Variants in IQCK observed in about 807,000 individuals in gnomAD.
IQCK encodes IQ domain-containing protein K.
A neutral mutation model predicts 28.1 loss-of-function variants in IQCK; 29 were observed. The ratio of observed to expected loss-of-function variants is 1.03; its 90% CI spans 0.77 to 1.41. The LOEUF (loss-of-function observed/expected upper bound fraction) is 1.41. Ranked by LOEUF, IQCK falls within the 40% of genes most tolerant of loss-of-function variation. The pLI is 0.00. For synonymous variants in IQCK, 113 were observed against 115.1 expected (o/e 0.98, Z 0.12); for missense variants, 359 against 314.7 (o/e 1.14, Z -1.07).
intron 9 of IQCK, among the ~76,000 whole-genome samples, chr16:19,832,691 G>T (rs2056247359): frequency 6.6e-6 from 1 of 152,248 alleles, no homozygotes; most frequent in South Asian, 2.1e-4. Flanking sequence ...CTGCTATAAA[G>T]AATACCTGAG....
chr16:19,747,938 C>T (rs964624587), intron 4 of IQCK, among the ~76,000 whole-genome samples: 7 of 152,024 alleles, frequency 4.6e-5, no homozygotes, highest in East Asian at 3.9e-4. Context: ...GTATACACTG[C>T]GTTAGAAATA....
In IQCK at chr16:19,734,786, A is replaced by AG. The variant is rs1372426053; in HGVS notation, c.377-567_377-566insG. 8.7e-3 allele frequency among the ~76,000 whole-genome samples: 1,321 copies of AG among 151,776 alleles called. 21 individuals are homozygous for AG. The highest frequency in any genetic ancestry group is 0.03 in the African/African-American group (1,257 of 41,352). On this transcript the variant is annotated intron_variant, in intron 3 of 7. Coordinates refer to ENST00000564186, the Ensembl canonical transcript of IQCK. ...ACAGAGTGAGACTCTGTCTCAAAAA[A>AG]AAAAAAAAAAAGTAAAAAGTAGAAG...
At chr16:19,818,494 G>A (rs2056020045) in intron 7 of IQCK, among the ~76,000 whole-genome samples, 1 of 152,170 alleles carries the variant, frequency 6.6e-6, no homozygotes, top group African/African-American at 2.4e-5. Context: ...CCAGGTTCAA[G>A]TGATCCTCCT....
intron 6 of IQCK, among the ~76,000 whole-genome samples, chr16:19,764,740 G>C (rs1184759158): frequency 1.3e-5 from 2 of 148,328 alleles, no homozygotes; most frequent in Non-Finnish European, 3.0e-5. Flanking sequence ...ACCCAGGCTG[G>C]AGTGCAGTGA....
intron 6 of IQCK, among the ~76,000 whole-genome samples, chr16:19,785,020 C>T (rs550922219): frequency 9.2e-5 from 14 of 152,292 alleles, no homozygotes; most frequent in African/African-American, 2.2e-4. Flanking sequence ...CCACCCGCCC[C>T]GGCCTTCCAA....
intron 4 of IQCK, among the ~76,000 whole-genome samples, chr16:19,752,297 T>C (rs934855502): frequency 6.6e-6 from 1 of 152,228 alleles, no homozygotes; most frequent in Admixed American, 6.5e-5. Context: ...TGGAAATTCT[T>C]TCTGATGCAT....
intron 4 of IQCK, among the ~76,000 whole-genome samples, chr16:19,740,636 A>G (rs948265616): frequency 4.6e-5 from 7 of 152,192 alleles, no homozygotes; most frequent in Non-Finnish European, 1.0e-4. Context: ...TGATCAAACA[A>G]TGAAATGAGC....
At chr16:19,747,491 CTT>C (rs529141121) in intron 4 of IQCK, among the ~76,000 whole-genome samples, 5 of 143,636 alleles carry the variant, frequency 3.5e-5, no homozygotes, top group African/African-American at 5.1e-5. Context: ...AAATAGATTC[CTT>C]TTTTTTTTTT....
At chr16:19,830,970 A>G (rs1467697701), downstream of IQCK, among the ~76,000 whole-genome samples, 1 of 152,214 alleles carries the variant, frequency 6.6e-6, no homozygotes, top group East Asian at 1.9e-4. Flanking sequence ...GCTTTCATGT[A>G]GGACCGTGTT....
intron 6 of IQCK, among the ~76,000 whole-genome samples, chr16:19,770,066 G>T (rs2055298252): frequency 6.6e-6 from 1 of 152,106 alleles, no homozygotes; most frequent in African/African-American, 2.4e-5. Flanking sequence ...GTGCTTCTAG[G>T]ATATCCATGC....
intron 4 of IQCK, among the ~76,000 whole-genome samples, chr16:19,747,347 G>C (rs2054924613): frequency 6.6e-6 from 1 of 152,138 alleles, no homozygotes; most frequent in African/African-American, 2.4e-5. Flanking sequence ...AGGGCAGCCA[G>C]GCAGGGTTGC....
At chr16:19,842,142 G>A (rs571680810) in intron 9 of IQCK, among the ~76,000 whole-genome samples, 18 of 152,216 alleles carry the variant, frequency 1.2e-4, no homozygotes, top group African/African-American at 4.1e-4. Context: ...CACCACACCC[G>A]GCCCCATATC....
chr16:19,769,612 G>C (rs909129064), intron 6 of IQCK, among the ~76,000 whole-genome samples: 2 of 152,188 alleles, frequency 1.3e-5, no homozygotes, highest in Non-Finnish European at 2.9e-5. Context: ...TGGAAGCTAC[G>C]GCTAGAAGGC....
chr16:19,833,940 T>A (rs1267478168), intron 9 of IQCK, among the ~76,000 whole-genome samples: 1 of 151,780 alleles, frequency 6.6e-6, no homozygotes, highest in Non-Finnish European at 1.5e-5. Flanking sequence ...AAAATAAAAT[T>A]AGCCAGGCGT....
intron 6 of IQCK, among the ~76,000 whole-genome samples, chr16:19,772,514 T>C (rs1021209958): frequency 6.6e-6 from 1 of 152,318 alleles, no homozygotes; most frequent in South Asian, 2.1e-4. Flanking sequence ...TAAAAAGTTA[T>C]TACTTTTCAG....
At chr16:19,736,087 C>T (rs1406663720) in intron 4 of IQCK, 1 of 455,522 alleles carries the variant, frequency 2.2e-6, no homozygotes, top group Non-Finnish European at 4.4e-6. Flanking sequence ...CCACAGAACT[C>T]TGCTTACTTC....
At chr16:19,752,139 A>G (rs1219889823) in intron 4 of IQCK, among the ~76,000 whole-genome samples, 1 of 152,236 alleles carries the variant, frequency 6.6e-6, no homozygotes, top group East Asian at 1.9e-4. Context: ...CCTTACAGTT[A>G]GGTTGATATT....
chr16:19,781,322 G>C (rs552023639), intron 6 of IQCK, among the ~76,000 whole-genome samples: 1 of 152,148 alleles, frequency 6.6e-6, no homozygotes, highest in Non-Finnish European at 1.5e-5. Context: ...GCTGCTTGGC[G>C]AGTTCTGCTA....
At chr16:19,718,960 C>A (rs1006376451) in intron 1 of IQCK, among the ~76,000 whole-genome samples, 3 of 152,188 alleles carry the variant, frequency 2.0e-5, no homozygotes, top group Admixed American at 6.5e-5. Context: ...CGTTCAGTAA[C>A]CATGGTGTGG....
Sources: gnomAD v4.1 joint callset for allele counts (sites outside exome capture counted in the v4.1 genomes callset) on GRCh38, gnomAD v4.1.1 for gene constraint, MANE v1.5 for transcripts, NCBI Gene and HGNC (gene_info 2026-07-23, HGNC 2026-07-21) for gene names.